The following CHIC1 variants were observed in gnomAD, a reference collection of about 807,000 sequenced individuals.
The protein encoded by CHIC1 is cysteine-rich hydrophobic domain-containing protein 1.
Under a neutral mutation model 18.5 loss-of-function variants are expected in CHIC1, and 7 were observed. The observed-to-expected ratio is 0.38, with a 90% CI of 0.22 to 0.71. The LOEUF (loss-of-function observed/expected upper bound fraction) is 0.71. Among genes scored for constraint, CHIC1 ranks in the 30% least tolerant of loss-of-function variants. CHIC1 has a pLI of 0.49. For missense variants in CHIC1, 159 were observed against 176.9 expected, an observed-to-expected ratio of 0.90 and a Z score of 0.57; for synonymous variants, 77 against 73.5, an observed-to-expected ratio of 1.05 and a Z score of -0.25.
At chrX:73,651,486 T>C (rs1286982378) in intron 3 of CHIC1, among the ~76,000 whole-genome samples, 1 of 111,168 alleles carries the variant, frequency 9.0e-6, no homozygotes, top group Non-Finnish European at 1.9e-5. Flanking sequence ...AACCCCATTG[T>C]CTCAGCCACA....
chrX:73,680,460 A>G (rs1466507889), intron 5 of CHIC1, among the ~76,000 whole-genome samples: 1 of 111,580 alleles, frequency 9.0e-6, no homozygotes, highest in Non-Finnish European at 1.9e-5. Context: ...AACCTTTTGT[A>G]ATTAATATGT....
At chrX:73,663,828 G>C (rs930186928) in intron 3 of CHIC1, among the ~76,000 whole-genome samples, 1 of 110,978 alleles carries the variant, frequency 9.0e-6, no homozygotes, top group African/African-American at 3.3e-5. Flanking sequence ...AGCTATCTTT[G>C]ATCCAGGGGA....
intron 3 of CHIC1, among the ~76,000 whole-genome samples, chrX:73,640,108 T>A (rs755316308): frequency 8.9e-6 from 1 of 111,878 alleles, no homozygotes; most frequent in African/African-American, 3.2e-5. Context: ...CTTGTGTCAG[T>A]TTTCCATGGG....
intron 3 of CHIC1, among the ~76,000 whole-genome samples, chrX:73,638,949 C>T (rs1203204775): frequency 7.2e-5 from 8 of 111,795 alleles, no homozygotes; most frequent in Non-Finnish European, 1.3e-4. Flanking sequence ...AGGTTGATTC[C>T]ATGTCCTTGC....
At chrX:73,659,211 T>A (rs1240746219) in intron 3 of CHIC1, among the ~76,000 whole-genome samples, 1 of 111,480 alleles carries the variant, frequency 9.0e-6, no homozygotes, top group Non-Finnish European at 1.9e-5. Context: ...ACTTCCTTGT[T>A]ATCTACCTCT....
intron 3 of CHIC1, among the ~76,000 whole-genome samples, chrX:73,657,218 C>G: frequency 9.1e-6 from 1 of 109,653 alleles, no homozygotes; most frequent in African/African-American, 3.3e-5. Flanking sequence ...CGCCACCATG[C>G]CCGGCTACTT....
chrX:73,609,741 T>A (rs992385161), intron 3 of CHIC1, among the ~76,000 whole-genome samples: 5 of 109,795 alleles, frequency 4.6e-5, no homozygotes, highest in African/African-American at 1.8e-4. Flanking sequence ...ACATAGACTG[T>A]GGAATGAGTC....
intron 3 of CHIC1, among the ~76,000 whole-genome samples, chrX:73,675,829 A>G (rs936724984): frequency 9.0e-6 from 1 of 110,520 alleles, no homozygotes; most frequent in East Asian, 2.8e-4. Context: ...CCTAGCCTCA[A>G]TGGTCTTTAC....
At chrX:73,641,453 T>C (rs768444369) in intron 3 of CHIC1, among the ~76,000 whole-genome samples, 1 of 111,107 alleles carries the variant, frequency 9.0e-6, no homozygotes, top group African/African-American at 3.3e-5. Flanking sequence ...CCTTTCCTCT[T>C]CCCCAAACCC....
At chrX:73,576,462 T>A (rs2057499806) in intron 1 of CHIC1, among the ~76,000 whole-genome samples, 1 of 110,306 alleles carries the variant, frequency 9.1e-6, no homozygotes, top group South Asian at 3.7e-4. Flanking sequence ...ATTTTTCAGC[T>A]CCATTATAAT....
chrX:73,621,089 T>G (rs766306842), intron 3 of CHIC1, among the ~76,000 whole-genome samples: 83 of 112,024 alleles, frequency 7.4e-4, no homozygotes, highest in African/African-American at 2.1e-3. Context: ...CCATGCTGTT[T>G]TGGTTACTGT....
At chrX:73,650,248 G>A (rs1037893283) in intron 3 of CHIC1, among the ~76,000 whole-genome samples, 1 of 111,226 alleles carries the variant, frequency 9.0e-6, no homozygotes, top group Non-Finnish European at 1.9e-5. Context: ...CTTTGAAATC[G>A]ACACCCTAAC....
intron 3 of CHIC1, among the ~76,000 whole-genome samples, chrX:73,670,189 AG>A (rs1381104103): frequency 9.2e-6 from 1 of 108,878 alleles, no homozygotes; most frequent in Non-Finnish European, 1.9e-5. Context: ...TGTCACTCCC[AG>A]GTGGGCCATT....
At chrX:73,575,485 G>A (rs1345307061) in intron 1 of CHIC1, among the ~76,000 whole-genome samples, 1 of 110,274 alleles carries the variant, frequency 9.1e-6, no homozygotes, top group Non-Finnish European at 1.9e-5. Flanking sequence ...ACACACCTAA[G>A]CTATATGGTA....
chrX:73,644,456 T>C (rs924774754), intron 3 of CHIC1, among the ~76,000 whole-genome samples: 3 of 112,504 alleles, frequency 2.7e-5, no homozygotes, highest in Admixed American at 1.9e-4. Flanking sequence ...TGCTGTCTTT[T>C]TGTTTGTCTG....
At chrX:73,670,924 A>T (rs1471990439) in intron 3 of CHIC1, among the ~76,000 whole-genome samples, 1 of 111,945 alleles carries the variant, frequency 8.9e-6, no homozygotes, top group Non-Finnish European at 1.9e-5. Context: ...TTTTTTACTT[A>T]ACATGTTTTT....
At chrX:73,630,665 T>C (rs1475632665) in intron 3 of CHIC1, among the ~76,000 whole-genome samples, 3 of 111,702 alleles carry the variant, frequency 2.7e-5, no homozygotes, top group East Asian at 5.6e-4. Context: ...GATTTTTGCA[T>C]CTATTTGCTT....
At chrX:73,599,273 T>G (rs1233592434) in intron 3 of CHIC1, among the ~76,000 whole-genome samples, 5 of 106,026 alleles carry the variant, frequency 4.7e-5, no homozygotes, top group Non-Finnish European at 7.6e-5. Context: ...TTTCTCCCAT[T>G]TTGTAGGTTA....
chrX:73,631,068 G>A (rs769074963), intron 3 of CHIC1, among the ~76,000 whole-genome samples: 1 of 111,364 alleles, frequency 9.0e-6, no homozygotes, highest in East Asian at 2.8e-4. Context: ...CTGACCTATT[G>A]TATTTCTCTG....
Sources: gnomAD v4.1 joint callset for allele counts (sites outside exome capture counted in the v4.1 genomes callset) on GRCh38, gnomAD v4.1.1 for gene constraint, MANE v1.5 for transcripts, NCBI Gene and HGNC (gene_info 2026-07-23, HGNC 2026-07-21) for gene names.